The following SPAG16 variants were observed in gnomAD, a reference collection of about 807,000 sequenced individuals.
The protein encoded by SPAG16 is sperm associated antigen 16, also known as sperm-associated antigen 16 protein.
Under a neutral mutation model 80.4 loss-of-function variants are expected in SPAG16, and 86 were observed. The ratio of observed to expected loss-of-function variants is 1.07; its 90% confidence interval spans 0.90 to 1.28. SPAG16 has a LOEUF of 1.28. SPAG16 is among the 50% of genes most tolerant of loss of function. The probability of loss-of-function intolerance (pLI) is 0.00; values close to 1 mark genes in which losing one functional copy is unlikely to be tolerated. For synonymous variants in SPAG16, 294 were observed against 265.9 expected, an observed-to-expected ratio of 1.11 and a Z score of -1.03; for missense variants, 870 against 765.3, an observed-to-expected ratio of 1.14 and a Z score of -1.61.
chr2:213,717,452 G>A (rs913758739), intron 10 of SPAG16, among the ~76,000 whole-genome samples: 19 of 152,010 alleles, frequency 1.2e-4, no homozygotes, highest in African/African-American at 4.1e-4. Context: ...GAGCCACTGC[G>A]CCCGGCAAAA....
chr2:213,669,871 A>G (rs184972945), intron 10 of SPAG16, among the ~76,000 whole-genome samples: 1 of 152,258 alleles, frequency 6.6e-6, no homozygotes, highest in African/African-American at 2.4e-5. Flanking sequence ...TTTGTGGTTG[A>G]AACTAGAGAA....
At chr2:213,626,773 G>T (rs2125068799) in intron 10 of SPAG16, among the ~76,000 whole-genome samples, 1 of 150,430 alleles carries the variant, frequency 6.6e-6, no homozygotes, top group East Asian at 2.0e-4. Flanking sequence ...TCAGCCTCCT[G>T]AGTAGCTGTG....
intron 1 of SPAG16, among the ~76,000 whole-genome samples, chr2:213,291,677 G>T (rs1034281843): frequency 2.6e-5 from 4 of 152,138 alleles, no homozygotes; most frequent in African/African-American, 9.7e-5. Context: ...TCATTACCTA[G>T]GATATTGGTA....
At chr2:213,316,390 C>G (rs1575170583) in intron 4 of SPAG16, among the ~76,000 whole-genome samples, 2 of 152,174 alleles carry the variant, frequency 1.3e-5, no homozygotes, top group East Asian at 1.9e-4. Context: ...CCACCATGCT[C>G]TCTCTTTGAC....
intron 6 of SPAG16, among the ~76,000 whole-genome samples, chr2:213,347,205 T>C (rs1429828517): frequency 2.0e-5 from 3 of 152,188 alleles, no homozygotes; most frequent in Non-Finnish European, 2.9e-5. Flanking sequence ...GATGGTAGTT[T>C]GTATTTCTGT....
chr2:213,554,852 A>G (rs1431900411), intron 10 of SPAG16, among the ~76,000 whole-genome samples: 1 of 152,024 alleles, frequency 6.6e-6, no homozygotes, highest in African/African-American at 2.4e-5. Flanking sequence ...GCTTTATTGG[A>G]TAGCATCAAA....
At chr2:213,835,825 T>C (rs1296297501) in intron 10 of SPAG16, among the ~76,000 whole-genome samples, 1 of 152,156 alleles carries the variant, frequency 6.6e-6, no homozygotes, top group Non-Finnish European at 1.5e-5. Flanking sequence ...CAATTTGTAC[T>C]TTATTTTAAT....
At chr2:213,626,266 T>C (rs1020331377) in intron 10 of SPAG16, among the ~76,000 whole-genome samples, 3 of 151,988 alleles carry the variant, frequency 2.0e-5, no homozygotes, top group African/African-American at 4.8e-5. Flanking sequence ...GGAAGGAATG[T>C]CTGAAAGCAC....
rs944192417 is a variant in SPAG16, at chr2:214,382,592, T to A, written c.1721-27548T>A. ...ATAGTGGTGGAGAGATTCTTAGAGA[T>A]GGCACCATCCTCTCTCAGCAACAAT... On this transcript the variant is annotated intron_variant, in intron 15 of 15. Coordinates refer to ENST00000331683, the MANE Select transcript of SPAG16 (RefSeq NM_024532.5). Among the ~76,000 whole-genome samples, 4 of 152,180 alleles carry A rather than the reference T, an allele frequency of 2.6e-5. No individual in the cohort carries two copies. In the East Asian group the frequency reaches 7.7e-4, roughly 29 times the overall value.
chr2:213,444,150 C>T (rs1482048647), intron 9 of SPAG16, among the ~76,000 whole-genome samples: 1 of 152,148 alleles, frequency 6.6e-6, no homozygotes, highest in African/African-American at 2.4e-5. Flanking sequence ...TTTTCAGAGT[C>T]AGGTGAATTA....
chr2:214,059,186 C>CTATATATA (rs36006046), intron 13 of SPAG16, among the ~76,000 whole-genome samples: 1,789 of 114,202 alleles, frequency 0.016, 20 homozygotes, highest in South Asian at 0.024. Flanking sequence ...CTCTCTCTGT[C>CTATATATA]TATATATATA....
intron 15 of SPAG16, among the ~76,000 whole-genome samples, chr2:214,282,509 G>A (rs1693027048): frequency 6.6e-6 from 1 of 152,088 alleles, no homozygotes; most frequent in Non-Finnish European, 1.5e-5. Context: ...TACAGAGGAA[G>A]CTTTATCTGG....
chr2:214,160,181 A>G (rs1270993241), intron 15 of SPAG16, among the ~76,000 whole-genome samples: 1 of 140,252 alleles, frequency 7.1e-6, no homozygotes, highest in Admixed American at 7.2e-5. Context: ...GTGGAGAAAA[A>G]AGATGGGCAT....
chr2:214,073,232 C>CTTTTTTTTTTTTTTTTTTTTT (rs67988930), intron 13 of SPAG16, among the ~76,000 whole-genome samples: 2 of 141,072 alleles, frequency 1.4e-5, no homozygotes. Flanking sequence ...GAAATTTTTT[C>CTTTTTTTTTTTTTTTTTTTTT]TTTTTTTTTT....
intron 10 of SPAG16, among the ~76,000 whole-genome samples, chr2:213,796,086 A>G (rs968119918): frequency 4.0e-5 from 6 of 151,622 alleles, no homozygotes; most frequent in African/African-American, 1.5e-4. Flanking sequence ...AATCTATTCA[A>G]CTCCCCCCAA....
chr2:213,605,762 T>C (rs1016777173), intron 10 of SPAG16, among the ~76,000 whole-genome samples: 2 of 152,110 alleles, frequency 1.3e-5, no homozygotes, highest in Non-Finnish European at 2.9e-5. Flanking sequence ...GTGCTGGGAT[T>C]ACAGGTGTGA....
chr2:213,614,513 A>G (rs1368770499), intron 10 of SPAG16, among the ~76,000 whole-genome samples: 5 of 152,276 alleles, frequency 3.3e-5, no homozygotes, highest in East Asian at 3.9e-4. Flanking sequence ...CCTTTTGGCT[A>G]TCAGTCCTTC....
chr2:213,590,481 G>A (rs898705947), intron 10 of SPAG16, among the ~76,000 whole-genome samples: 19 of 149,670 alleles, frequency 1.3e-4, no homozygotes, highest in African/African-American at 4.4e-4. Flanking sequence ...ATTAAAAAGT[G>A]GGCAAAGGAC....
intron 15 of SPAG16, among the ~76,000 whole-genome samples, chr2:214,250,757 T>TATATAGAG (rs1475343777): frequency 2.7e-4 from 25 of 91,270 alleles, no homozygotes; most frequent in South Asian, 8.9e-4. Flanking sequence ...TATATATATA[T>TATATAGAG]AGAGAGAGAG....
Sources: gnomAD v4.1 joint callset for allele counts (sites outside exome capture counted in the v4.1 genomes callset) on GRCh38, gnomAD v4.1.1 for gene constraint, MANE v1.5 for transcripts, NCBI Gene and HGNC (gene_info 2026-07-23, HGNC 2026-07-21) for gene names.